GRIA4: variants seen among roughly 807,000 people sequenced by gnomAD.
The protein encoded by GRIA4 is glutamate ionotropic receptor AMPA type subunit 4, also known as glutamate receptor 4.
GRIA4 carries 34 observed loss-of-function variants against 104.0 expected under a neutral mutation model. The ratio of observed to expected loss-of-function variants is 0.33; its 90% CI spans 0.25 to 0.44. The LOEUF is 0.44. GRIA4 is among the 20% of genes least tolerant of loss of function. The pLI is 1.00. For missense variants in GRIA4, 750 were observed against 1,096.5 expected, an observed-to-expected ratio of 0.68 and a Z score of 4.46; for synonymous variants, 386 against 381.9, an observed-to-expected ratio of 1.01 and a Z score of -0.13.
intron 3 of GRIA4, among the ~76,000 whole-genome samples, chr11:105,618,224 A>G (rs1950649588): frequency 6.6e-6 from 1 of 152,006 alleles, no homozygotes. Flanking sequence ...TCTTCTGAAT[A>G]CAAAGAGGGA....
At chr11:105,635,224 T>C (rs1024976198) in intron 3 of GRIA4, among the ~76,000 whole-genome samples, 1 of 152,134 alleles carries the variant, frequency 6.6e-6, no homozygotes, top group Non-Finnish European at 1.5e-5. Context: ...AAAATGGTAC[T>C]GGGGAAATTA....
chr11:105,928,536 C>T (rs190995002), intron 13 of GRIA4, among the ~76,000 whole-genome samples: 1 of 150,116 alleles, frequency 6.7e-6, no homozygotes, highest in African/African-American at 2.4e-5. Context: ...CGGTTTATAA[C>T]TGCTCCCATC....
chr11:105,709,092 T>C (rs903984569), intron 3 of GRIA4, among the ~76,000 whole-genome samples: 1 of 152,056 alleles, frequency 6.6e-6, no homozygotes, highest in Non-Finnish European at 1.5e-5. Context: ...AAGGACAATC[T>C]TGTGGTGTCA....
chr11:105,789,441 A>G (rs560433376), intron 4 of GRIA4, among the ~76,000 whole-genome samples: 2 of 152,278 alleles, frequency 1.3e-5, no homozygotes, highest in South Asian at 2.1e-4. Flanking sequence ...TCTAACACCA[A>G]TTATAACATT....
chr11:105,788,256 G>T (rs948603962), intron 4 of GRIA4, among the ~76,000 whole-genome samples: 19 of 152,238 alleles, frequency 1.2e-4, no homozygotes, highest in African/African-American at 4.6e-4. Flanking sequence ...AAAGATGTTG[G>T]CATGGATGTG....
At chr11:105,769,387 G>A (rs886172968) in intron 4 of GRIA4, among the ~76,000 whole-genome samples, 2 of 151,964 alleles carry the variant, frequency 1.3e-5, no homozygotes, top group African/African-American at 4.8e-5. Context: ...ATTTCCAGAT[G>A]ATGTGGAGGA....
intron 5 of GRIA4, among the ~76,000 whole-genome samples, chr11:105,865,341 A>G (rs1945365532): frequency 6.6e-6 from 1 of 152,244 alleles, no homozygotes; most frequent in Admixed American, 6.5e-5. Context: ...GGCTCTCTAA[A>G]TCCAATGAGC....
At chr11:105,971,786 T>A in intron 14 of GRIA4, 128 bp from the exon 15 acceptor site, 1 of 536,650 alleles carries the variant, frequency 1.9e-6, no homozygotes, top group Middle Eastern at 5.5e-4. Context: ...AACCTGGGCC[T>A]ACAGTACAAG....
At chr11:105,778,732 T>C (rs933769338) in intron 4 of GRIA4, among the ~76,000 whole-genome samples, 4 of 151,962 alleles carry the variant, frequency 2.6e-5, no homozygotes, top group Non-Finnish European at 5.9e-5. Context: ...CAACTAAGCA[T>C]AGGAAGGCAT....
chr11:105,832,190 C>T (rs1944001217), intron 4 of GRIA4, among the ~76,000 whole-genome samples: 1 of 151,932 alleles, frequency 6.6e-6, no homozygotes, highest in Non-Finnish European at 1.5e-5. Flanking sequence ...TGAGAAAGAG[C>T]AGTCAGAAAG....
At chr11:105,714,424 A>G (rs188563823) in intron 3 of GRIA4, among the ~76,000 whole-genome samples, 83 of 152,244 alleles carry the variant, frequency 5.5e-4, no homozygotes, top group African/African-American at 1.9e-3. Flanking sequence ...CTTCCCTACA[A>G]TAAATAAGTG....
At chr11:105,663,238 A>T (rs1952066946) in intron 3 of GRIA4, among the ~76,000 whole-genome samples, 1 of 151,944 alleles carries the variant, frequency 6.6e-6, no homozygotes, top group African/African-American at 2.4e-5. Flanking sequence ...CAAGGTTCAT[A>T]ACATTCCTAA....
At chr11:105,758,317 C>T (rs1177194239) in intron 4 of GRIA4, among the ~76,000 whole-genome samples, 1 of 151,958 alleles carries the variant, frequency 6.6e-6, no homozygotes, top group Non-Finnish European at 1.5e-5. Flanking sequence ...TAGTCAACCA[C>T]GTTCAAGGAC....
intron 5 of GRIA4, among the ~76,000 whole-genome samples, chr11:105,876,829 C>A (rs946222516): frequency 6.6e-6 from 1 of 152,144 alleles, no homozygotes; most frequent in Non-Finnish European, 1.5e-5. Flanking sequence ...AGATGGGTCG[C>A]TGAATACAGC....
chr11:105,613,197 A>G (rs1238217708), intron 3 of GRIA4: 2 of 152,196 alleles, frequency 1.3e-5, no homozygotes, highest in Non-Finnish European at 2.9e-5. Context: ...AAGCAGTTGT[A>G]CAATTCCTCC....
chr11:105,916,629 G>A (rs1378129145), intron 10 of GRIA4, among the ~76,000 whole-genome samples: 1 of 152,170 alleles, frequency 6.6e-6, no homozygotes, highest in African/African-American at 2.4e-5. Flanking sequence ...TTTTATTGAA[G>A]TAAATTGTTC....
Position 105,918,918 on chromosome 11 carries a change from G to A in GRIA4, c.1476G>A (p.Gly492=). The A allele has an allele frequency of 5.1e-6, 8 of 1,566,674 alleles. No homozygotes were observed. The highest frequency in any genetic ancestry group is 7.0e-6 in the Non-Finnish European group (8 of 1,137,286). ...WNGMVGELVY[G]KAEIAIAPLT... ...GGATGGTAGGAGAACTTGTTTATGG[G>A]GTAAGCAAATCAACTTATTGAAGAA... Residue 492 remains glycine, a splice_region_variant and synonymous_variant, in exon 11 of 17, where the codon GGG becomes GGA. Transcript: ENST00000282499.
At chr11:105,912,609 AT>A in intron 10 of GRIA4, 3 of 499,122 alleles carry the variant, frequency 6.0e-6, no homozygotes, top group Non-Finnish European at 7.7e-6. Context: ...AGCCATCAAT[AT>A]TTTTGCTATC....
chr11:105,756,568 C>A (rs141519419), intron 4 of GRIA4, among the ~76,000 whole-genome samples: 220 of 151,244 alleles, frequency 1.5e-3, no homozygotes, highest in African/African-American at 5.0e-3. Flanking sequence ...TGTAGTATCC[C>A]AAGAAGAGAT....
Sources: gnomAD v4.1 joint callset for allele counts (sites outside exome capture counted in the v4.1 genomes callset) on GRCh38, gnomAD v4.1.1 for gene constraint, MANE v1.5 for transcripts, NCBI Gene and HGNC (gene_info 2026-07-23, HGNC 2026-07-21) for gene names.